The following SLC30A9 variants were observed in gnomAD, a reference collection of about 807,000 sequenced individuals.
SLC30A9 encodes the protein proton-coupled zinc antiporter SLC30A9, mitochondrial.
SLC30A9 carries 58 observed loss-of-function variants against 87.5 expected under a neutral mutation model. The observed-to-expected ratio is 0.66, with a 90% confidence interval of 0.54 to 0.82. The LOEUF is 0.82. SLC30A9 is among the 40% of genes least tolerant of loss of function. SLC30A9 has a pLI of 0.00. For missense variants in SLC30A9, 557 were observed against 679.1 expected, an observed-to-expected ratio of 0.82 and a Z score of 2.00; for synonymous variants, 234 against 233.0, an observed-to-expected ratio of 1.00 and a Z score of -0.04.
intron 16 of SLC30A9, among the ~76,000 whole-genome samples, chr4:42,077,408 G>T (rs1447467955): frequency 6.6e-6 from 1 of 151,832 alleles, no homozygotes; most frequent in African/African-American, 2.4e-5. Context: ...TTATTGCATT[G>T]TATTATTATT....
chr4:42,023,326 T>G lies in SLC30A9; in HGVS notation c.552T>G (p.Pro184=). The stretch of plus-strand genomic sequence containing the variant: ...GATCTTTGGAAGTTTGGGGAAGCCC[T>G]GAAGCTCTTGCCAGAGAGAAAAAAT... ...EAKSLEVWGS[P]EALAREKKLR... The change falls in exon 6 of 18, where the codon CCT becomes CCG. Residue 184 remains proline, a synonymous_variant. Transcript: ENST00000264451. 6.2e-7 allele frequency: 1 copy of G among 1,613,522 alleles called. No homozygotes were observed. Among genetic ancestry groups the G allele is most frequent in the South Asian group, 1.1e-5 (1 of 91,064 alleles).
At chr4:41,990,791 T>C in intron 1 of SLC30A9, 31 bp downstream of exon 1, 1 of 1,528,380 alleles carries the variant, frequency 6.5e-7, no homozygotes, top group African/African-American at 1.4e-5. Context: ...GCTGGCTCCG[T>C]AGAAGCCGAA....
intron 17 of SLC30A9, among the ~76,000 whole-genome samples, chr4:42,082,110 C>T (rs1349842631): frequency 2.0e-5 from 3 of 151,392 alleles, no homozygotes; most frequent in African/African-American, 4.9e-5. Context: ...TCAGCTACTC[C>T]GGAGGCTGAG....
At chr4:42,018,927 A>C (rs918556898) in intron 3 of SLC30A9, among the ~76,000 whole-genome samples, 1 of 152,074 alleles carries the variant, frequency 6.6e-6, no homozygotes, top group African/African-American at 2.4e-5. Context: ...ATTTGGAAGA[A>C]ATTTTTTTAA....
chr4:42,055,224 G>T (rs988490899), intron 9 of SLC30A9, among the ~76,000 whole-genome samples: 1 of 152,088 alleles, frequency 6.6e-6, no homozygotes, highest in African/African-American at 2.4e-5. Context: ...GATGGAAATT[G>T]TATTTCAGAA....
At position 42,051,709 on chromosome 4, in the gene SLC30A9, G is replaced by T. The variant is rs1380758364; in HGVS notation, c.840+2230G>T. Among the ~76,000 whole-genome samples, 4 of 152,028 alleles carry T rather than the reference G, an allele frequency of 2.6e-5. No individual in the cohort carries two copies. The East Asian group carries it at 7.7e-4, about 29-fold the overall frequency. On this transcript the variant is annotated intron_variant, in intron 9 of 17. Coordinates refer to ENST00000264451, the MANE Select transcript of SLC30A9 (RefSeq NM_006345.4). ...AGAAAATATTCTTACTAAAGCCACA[G>T]ACAAAAAAGATTGAAAAAAATGGAG... is the stretch of plus-strand genomic sequence containing the variant.
chr4:42,070,407 GAAATTAGGAATA>G, intron 14 of SLC30A9, 107 bp from the exon 15 acceptor site: 1 of 698,750 alleles, frequency 1.4e-6, no homozygotes, highest in Non-Finnish European at 2.3e-6. Flanking sequence ...AGTAATTAAA[GAAATTAGGAATA>G]AATTTCAAGT....
intron 9 of SLC30A9, among the ~76,000 whole-genome samples, chr4:42,059,761 T>TA (rs34831673): frequency 0.66 from 100,089 of 152,016 alleles, 37,145 homozygotes; most frequent in East Asian, 0.96. Flanking sequence ...ATGTAGTTTA[T>TA]AAAACTACAA....
chr4:42,039,112 C>A, intron 8 of SLC30A9, 59 bp downstream of exon 8: 1 of 1,218,976 alleles, frequency 8.2e-7, no homozygotes, highest in South Asian at 1.3e-5. Context: ...TATGTATATC[C>A]TTAAATATGT....
intron 6 of SLC30A9, among the ~76,000 whole-genome samples, chr4:42,024,051 G>T (rs942488355): frequency 1.3e-5 from 2 of 152,102 alleles, no homozygotes; most frequent in Non-Finnish European, 2.9e-5. Context: ...ATTTGGGTGG[G>T]GACACAGAGC....
At chr4:42,057,782 A>G (rs1156498665) in intron 9 of SLC30A9, among the ~76,000 whole-genome samples, 3 of 152,154 alleles carry the variant, frequency 2.0e-5, no homozygotes, top group African/African-American at 7.2e-5. Context: ...AAATTTTTGA[A>G]ACTTTTATGC....
chr4:42,036,321 CAT>C lies in SLC30A9; in HGVS notation c.669+989_669+990del, dbSNP rs1018950843. Among the ~76,000 whole-genome samples the C allele has an allele frequency of 5.3e-5, 8 of 152,300 alleles. No individual in the cohort carries two copies. In the East Asian group the frequency reaches 1.3e-3, roughly 26 times the overall value. On this transcript the variant is annotated intron_variant, in intron 7 of 17. Transcript: ENST00000264451. ...CACCAAATTTACTAACTCATCTACA[CAT>C]GTGACAAAATACTCTGCTTTCCTTC...
intron 1 of SLC30A9, among the ~76,000 whole-genome samples, chr4:41,993,658 C>T (rs1006342258): frequency 6.6e-6 from 1 of 152,112 alleles, no homozygotes; most frequent in African/African-American, 2.4e-5. Flanking sequence ...TGATTGAAAA[C>T]ATAAACGGTT....
intron 6 of SLC30A9, among the ~76,000 whole-genome samples, chr4:42,034,786 A>G (rs1219877801): frequency 1.3e-5 from 2 of 152,206 alleles, no homozygotes; most frequent in African/African-American, 2.4e-5. Flanking sequence ...CTTTGGACGT[A>G]TGTCCAGAAG....
intron 6 of SLC30A9, among the ~76,000 whole-genome samples, chr4:42,024,185 T>C (rs984089847): frequency 1.3e-5 from 2 of 152,214 alleles, no homozygotes; most frequent in African/African-American, 4.8e-5. Context: ...GAAATGTATA[T>C]GCAAGTAAGA....
chr4:42,049,891 A>G (rs1411769737), intron 9 of SLC30A9, among the ~76,000 whole-genome samples: 1 of 152,194 alleles, frequency 6.6e-6, no homozygotes, highest in Non-Finnish European at 1.5e-5. Flanking sequence ...TTGTATTAAT[A>G]CAATTAAAAG....
chr4:42,005,876 C>G (rs938540089), intron 2 of SLC30A9, among the ~76,000 whole-genome samples: 4 of 152,120 alleles, frequency 2.6e-5, no homozygotes, highest in African/African-American at 9.7e-5. Context: ...GAGAATGACT[C>G]AGAGTTGATT....
At chr4:42,018,869 A>T (rs953170120) in intron 3 of SLC30A9, among the ~76,000 whole-genome samples, 3 of 152,134 alleles carry the variant, frequency 2.0e-5, no homozygotes, top group Non-Finnish European at 4.4e-5. Flanking sequence ...CATTATCATT[A>T]TCATCCTCAC....
At chr4:42,034,038 A>G (rs1308729417) in intron 6 of SLC30A9, among the ~76,000 whole-genome samples, 1 of 149,998 alleles carries the variant, frequency 6.7e-6, no homozygotes, top group Non-Finnish European at 1.5e-5. Flanking sequence ...AAACGATACC[A>G]TGAGAAGCCT....
Sources: gnomAD v4.1 joint callset for allele counts (sites outside exome capture counted in the v4.1 genomes callset) on GRCh38, gnomAD v4.1.1 for gene constraint, MANE v1.5 for transcripts, NCBI Gene and HGNC (gene_info 2026-07-23, HGNC 2026-07-21) for gene names.